Variants in FOXN1 observed in about 807,000 individuals in gnomAD.
FOXN1 encodes forkhead box N1.
Under a neutral mutation model 49.0 loss-of-function variants are expected in FOXN1, and 15 were observed. That is an observed-to-expected ratio of 0.31 (90% confidence interval 0.20 to 0.47). The LOEUF is 0.47. Among genes scored for constraint, FOXN1 ranks in the 20% least tolerant of loss-of-function variants. The probability of loss-of-function intolerance (pLI) is 1.00; values close to 1 mark genes in which losing one functional copy is unlikely to be tolerated. For missense variants in FOXN1, 800 were observed against 842.8 expected (o/e 0.95, Z 0.63); for synonymous variants, 356 against 369.0 (o/e 0.96, Z 0.40).
intron 5 of FOXN1, among the ~76,000 whole-genome samples, chr17:28,529,797 G>A (rs998437166): frequency 1.5e-4 from 23 of 152,166 alleles, no homozygotes; most frequent in African/African-American, 5.3e-4. Context: ...ATGGGATCGG[G>A]TCATCAGCTA....
chr17:28,529,125 C>T lies in FOXN1; in HGVS notation c.731C>T (p.Pro244Leu). The T allele has an allele frequency of 6.2e-7, 1 of 1,614,134 alleles. No homozygotes were observed. The change falls in exon 5 of 9, where the codon CCC becomes CTC. Residue 244 changes from proline to leucine, a missense_variant. By Grantham distance (98) the Pro-to-Leu change is moderately conservative. Around this residue, in one of 3 missense-constraint regions of FOXN1, gnomAD observed 383 missense variants for 357.9 expected, o/e 1.07. Transcript: ENST00000579795. The stretch of plus-strand genomic sequence containing the variant: ...CCAGGTGGTGGCAGCTACCCCATAC[C>T]CTACCTGGGCTCCTCACACTATCAG... The part of the protein sequence containing the change: ...YSPGGGSYPI[P>L]YLGSSHYQYQ...
intron 8 of FOXN1, among the ~76,000 whole-genome samples, chr17:28,535,799 G>A (rs1036783744): frequency 5.9e-5 from 9 of 152,184 alleles, no homozygotes; most frequent in Admixed American, 1.3e-4. Context: ...AAAGGGCTCC[G>A]TGTTCTATTC....
chr17:28,509,734 G>A (rs1555606679), intron 1 of FOXN1, among the ~76,000 whole-genome samples: 4 of 152,272 alleles, frequency 2.6e-5, no homozygotes, highest in Non-Finnish European at 1.5e-5. Flanking sequence ...CTGCGGGCAT[G>A]TGGCAGTGAA....
Position 28,524,888 on chromosome 17 carries a change from C to T in FOXN1, c.509C>T (p.Ala170Val), listed in dbSNP as rs543966857. 6.2e-7 allele frequency: 1 copy of T among 1,613,560 alleles called. No homozygotes were observed. Among genetic ancestry groups the T allele is most frequent in the East Asian group, 2.2e-5 (1 of 44,876 alleles). ...CCAGTGGACGTGGCGGAGGCCGAGG[C>T]CTTCCTGCCTGGCTTCTCAGCAGAG... ...EIPVDVAEAE[A>V]FLPGFSAEAW... The change falls in exon 3 of 9, where the codon GCC becomes GTC. Residue 170 changes from alanine to valine, a missense_variant. Coordinates refer to ENST00000579795, the MANE Select transcript of FOXN1 (RefSeq NM_001369369.1).
chr17:28,530,251 TCAGGCTG>T (rs2069879586), intron 5 of FOXN1, among the ~76,000 whole-genome samples: 1 of 152,152 alleles, frequency 6.6e-6, no homozygotes, highest in Non-Finnish European at 1.5e-5. Flanking sequence ...GGGTAGCAGT[TCAGGCTG>T]TTGGAAGGAT....
intron 3 of FOXN1, among the ~76,000 whole-genome samples, chr17:28,525,237 C>T (rs1310410434): frequency 6.6e-6 from 1 of 152,164 alleles, no homozygotes; most frequent in Non-Finnish European, 1.5e-5. Context: ...TGACTTCTCA[C>T]TGTTTGTTTA....
chr17:28,517,244 G>A (rs1424485249), intron 1 of FOXN1, among the ~76,000 whole-genome samples: 1 of 148,198 alleles, frequency 6.7e-6, no homozygotes, highest in East Asian at 2.0e-4. Flanking sequence ...CACCTCCACA[G>A]GATCCATACC....
In FOXN1 at chr17:28,538,650, C is replaced by CT. The variant is rs1015165598; in HGVS notation, c.*1217dup. Reference sequence around the variant, plus strand: ...GAAGCACCCATGCAAAGCACCCCCGCTTTGACTGCTTGGCAGACCTAGGGT... The same window carrying CT: ...GAAGCACCCATGCAAAGCACCCCCGCTTTTGACTGCTTGGCAGACCTAGGGT... On this transcript the variant is annotated 3_prime_UTR_variant, in exon 9 of 9. Coordinates refer to ENST00000579795, the MANE Select transcript of FOXN1 (RefSeq NM_001369369.1). 57 of 152,326 alleles carry CT rather than the reference C, an allele frequency of 3.7e-4. No homozygotes were observed. Among genetic ancestry groups the CT allele is most frequent in the African/African-American group, 1.3e-3 (55 of 41,552 alleles). 9.4% of individuals were successfully genotyped at this position (152,326 alleles called of 1,614,324 possible). A position where few individuals can be genotyped will look rare whatever the true frequency, so the allele number is the denominator to read the frequency against.
rs1417066447 is a variant in FOXN1, at chr17:28,535,169, A to G, written c.1598A>G (p.Asn533Ser). ...CTTGGCACTGACCTGGATGCCATCAATCCCTCACTCACTGACTTCGACTTC... is the reference window on the plus strand; with the variant it reads ...CTTGGCACTGACCTGGATGCCATCAGTCCCTCACTCACTGACTTCGACTTC... The part of the protein sequence containing the change: ...GDLGTDLDAI[N>S]PSLTDFDFQG... The change falls in exon 8 of 9, where the codon AAT (asparagine) becomes AGT (serine). Residue 533 changes from asparagine (N) to serine (S), a missense_variant. By Grantham distance (46) the Asn-to-Ser change is conservative (BLOSUM62 1). Transcript: ENST00000579795. 3 of 1,613,422 alleles carry G rather than the reference A, an allele frequency of 1.9e-6. No homozygotes were observed. Among genetic ancestry groups the G allele is most frequent in the South Asian group, 1.1e-5 (1 of 90,958 alleles).
chr17:28,527,428 GTGGGTGTC>G, intron 4 of FOXN1, 67 bp downstream of exon 4: 1 of 896,864 alleles, frequency 1.1e-6, no homozygotes, highest in Non-Finnish European at 1.8e-6. Flanking sequence ...TATGTGGTGT[GTGGGTGTC>G]TATGTGATGG....
chr17:28,514,495 AC>A (rs1325431785), intron 1 of FOXN1, among the ~76,000 whole-genome samples: 1 of 151,894 alleles, frequency 6.6e-6, no homozygotes, highest in East Asian at 1.9e-4. Flanking sequence ...GCATTCCCAG[AC>A]CCCGAGTTTC....
intron 1 of FOXN1, among the ~76,000 whole-genome samples, chr17:28,507,825 G>A (rs2069296338): frequency 6.6e-6 from 1 of 152,180 alleles, no homozygotes; most frequent in African/African-American, 2.4e-5. Context: ...AGTGGATGGG[G>A]GAAGGGGCAG....
At chr17:28,521,425 G>A (rs924916222) in intron 1 of FOXN1, among the ~76,000 whole-genome samples, 8 of 152,230 alleles carry the variant, frequency 5.3e-5, no homozygotes, top group East Asian at 3.8e-4. Context: ...GCTCTGGGCC[G>A]GGGTGAGGTG....
intron 5 of FOXN1, 103 bp downstream of exon 5, chr17:28,529,327 G>A: frequency 7.0e-7 from 1 of 1,429,142 alleles, no homozygotes; most frequent in Non-Finnish European, 9.8e-7. Flanking sequence ...ATGGCAGCAG[G>A]TGGAAATCAT....
intron 3 of FOXN1, among the ~76,000 whole-genome samples, chr17:28,525,364 T>G (rs2069743842): frequency 6.6e-6 from 1 of 152,104 alleles, no homozygotes; most frequent in Non-Finnish European, 1.5e-5. Context: ...AGTTTTTCCC[T>G]CCCCAGCCTT....
Position 28,537,798 on chromosome 17 carries a change from A to G in FOXN1, c.*362A>G, listed in dbSNP as rs1399315705. The G allele has an allele frequency of 1.1e-5, 4 of 378,166 alleles. No homozygotes were observed. Among genetic ancestry groups the G allele is most frequent in the Non-Finnish European group, 2.0e-5 (4 of 198,374 alleles). 23.4% of individuals were successfully genotyped at this position (378,166 alleles called of 1,614,324 possible). A position where few individuals can be genotyped will look rare whatever the true frequency, so the allele number is the denominator to read the frequency against. ...CACATATCTTACAGCCAGAGGAACC[A>G]GCACTCCATCACTGAGAGCCCGACT... On this transcript the variant is annotated 3_prime_UTR_variant, in exon 9 of 9. Coordinates refer to ENST00000579795, the MANE Select transcript of FOXN1 (RefSeq NM_001369369.1).
intron 1 of FOXN1, among the ~76,000 whole-genome samples, chr17:28,511,549 G>A (rs1555606999): frequency 6.6e-6 from 1 of 152,108 alleles, no homozygotes; most frequent in Admixed American, 6.5e-5. Flanking sequence ...AATCCTACAG[G>A]CCTGGGACCC....
In FOXN1 at chr17:28,524,823, C is replaced by A; in HGVS notation, c.444C>A (p.Ser148=). The change falls in exon 3 of 9, where the codon TCC becomes TCA. Residue 148 remains serine, a synonymous_variant. Transcript: ENST00000579795. Reference sequence around the variant, plus strand: ...CCACCCTGGCCCTCAAAGGACACTCCTTTAAGACCCCAGGGCCGCTGGAGG... The same window carrying A: ...CCACCCTGGCCCTCAAAGGACACTCATTTAAGACCCCAGGGCCGCTGGAGG... The part of the protein sequence containing the change: ...AETTLALKGH[S]FKTPGPLEAF... 1 of 1,613,782 alleles carries A rather than the reference C, an allele frequency of 6.2e-7. No individual in the cohort carries two copies. The highest frequency in any genetic ancestry group is 8.5e-7 in the Non-Finnish European group (1 of 1,180,002).
At chr17:28,520,038 G>A (rs923922568) in intron 1 of FOXN1, among the ~76,000 whole-genome samples, 4 of 151,946 alleles carry the variant, frequency 2.6e-5, no homozygotes, top group Non-Finnish European at 5.9e-5. Context: ...CTATTTACAA[G>A]CAATATTTTA....
Sources: gnomAD v4.1 joint callset for allele counts (sites outside exome capture counted in the v4.1 genomes callset) on GRCh38, gnomAD v4.1.1 for gene constraint, gnomAD v4.1.1 regional missense constraint, MANE v1.5 for transcripts, NCBI Gene and HGNC (gene_info 2026-07-23, HGNC 2026-07-21) for gene names.